The following FSCN1 variants were observed in gnomAD, a reference collection of about 807,000 sequenced individuals.
FSCN1 encodes the protein fascin actin-bundling protein 1.
Under a neutral mutation model 39.7 loss-of-function variants are expected in FSCN1, and 10 were observed. That is an observed-to-expected ratio of 0.25 (90% CI 0.16 to 0.43). FSCN1 has a LOEUF of 0.43. FSCN1 is among the 20% of genes least tolerant of loss of function. FSCN1 has a pLI of 1.00. For synonymous variants in FSCN1, 322 were observed against 320.0 expected, an observed-to-expected ratio of 1.01 and a Z score of -0.07; for missense variants, 525 against 723.8, an observed-to-expected ratio of 0.73 and a Z score of 3.15.
At chr7:5,604,179 AC>A in intron 4 of FSCN1, 149 bp downstream of exon 4, 1 of 699,334 alleles carries the variant, frequency 1.4e-6, no homozygotes, top group Non-Finnish European at 2.3e-6. Flanking sequence ...TCTGATGGCC[AC>A]CAGGGGCTCT....
At chr7:5,598,113 C>T (rs1785763890) in intron 1 of FSCN1, among the ~76,000 whole-genome samples, 1 of 152,148 alleles carries the variant, frequency 6.6e-6, no homozygotes, top group African/African-American at 2.4e-5. Flanking sequence ...GTCTACGTGG[C>T]ACCAGGCCCC....
rs1785932627 is a variant in FSCN1, at chr7:5,606,311, C to G, written c.*837C>G. 2.0e-5 allele frequency: 3 copies of G among 152,224 alleles called. No homozygotes were observed. In the South Asian group the frequency reaches 6.2e-4, roughly 32 times the overall value. The allele number at this position is 152,224 out of a possible 1,614,324, so 9.4% of individuals were successfully genotyped here. A position where few individuals can be genotyped will look rare whatever the true frequency, so the allele number is the denominator to read the frequency against. On this transcript the variant is annotated 3_prime_UTR_variant, in exon 5 of 5. Transcript: ENST00000382361. The surrounding 1 kb of genome is among the most constrained non-coding windows in gnomAD (Gnocchi z 5.1). ...TAGCGAGTGATCTGGCGGGGGGCGT[C>G]TCAGCACCCTCCCCAGGGGGTGCAT...
rs1430837379 is a variant in FSCN1, at chr7:5,605,744, G to A, written c.*270G>A. ...TGCCCCTGCCCTCTTGTCTGCCACG[G>A]GGCGAGTCTGGCACCTCTTTCTTCT... On this transcript the variant is annotated 3_prime_UTR_variant, in exon 5 of 5. Transcript: ENST00000382361. The surrounding 1 kb of genome is among the most constrained non-coding windows in gnomAD (Gnocchi z 6.9). The A allele has an allele frequency of 2.3e-6, 1 of 437,432 alleles. No homozygotes were observed. The highest frequency in any genetic ancestry group is 4.1e-6 in the Non-Finnish European group (1 of 243,666). The allele number at this position is 437,432 out of a possible 1,614,324, so 27.1% of individuals were successfully genotyped here. A position where few individuals can be genotyped will look rare whatever the true frequency, so the allele number is the denominator to read the frequency against.
chr7:5,598,893 C>G (rs1227632992), intron 1 of FSCN1, among the ~76,000 whole-genome samples: 2 of 152,240 alleles, frequency 1.3e-5, no homozygotes, highest in Admixed American at 6.5e-5. Flanking sequence ...AGGGTGCGGC[C>G]CCTGCCTGTA....
chr7:5,593,826 G>A (rs989255423), intron 1 of FSCN1, 58 bp downstream of exon 1: 1 of 1,181,850 alleles, frequency 8.5e-7, no homozygotes, highest in Non-Finnish European at 1.2e-6. Flanking sequence ...CACCCCACCC[G>A]CGCCCCTCCA....
intron 1 of FSCN1, among the ~76,000 whole-genome samples, chr7:5,598,995 G>A (rs1050053704): frequency 1.3e-5 from 2 of 152,204 alleles, no homozygotes; most frequent in Non-Finnish European, 2.9e-5. Context: ...GCAGCCCTGC[G>A]GCTTCTGTGC....
intron 1 of FSCN1, among the ~76,000 whole-genome samples, chr7:5,598,167 T>G (rs1303436772): frequency 6.6e-6 from 1 of 152,036 alleles, no homozygotes; most frequent in Non-Finnish European, 1.5e-5. Flanking sequence ...GCTGGGCCCT[T>G]TTGACAGGTG....
intron 1 of FSCN1, among the ~76,000 whole-genome samples, chr7:5,601,502 C>T (rs989928304): frequency 2.6e-5 from 4 of 152,034 alleles, no homozygotes; most frequent in African/African-American, 4.8e-5. Context: ...CGTGGCAACC[C>T]GCATGCTTCT....
At chr7:5,601,025 A>C (rs139729441) in intron 1 of FSCN1, among the ~76,000 whole-genome samples, 1 of 115,904 alleles carries the variant, frequency 8.6e-6, no homozygotes, top group Non-Finnish European at 1.8e-5. Flanking sequence ...TCCTGACCTC[A>C]TGATCCGCCC....
intron 1 of FSCN1, among the ~76,000 whole-genome samples, chr7:5,601,216 T>TG (rs1376857291): frequency 4.1e-5 from 6 of 147,578 alleles, no homozygotes; most frequent in African/African-American, 1.5e-4. Flanking sequence ...TTTTTTTTTT[T>TG]TTTTGAGATG....
At position 5,605,412 on chromosome 7, in the gene FSCN1, C is replaced by G. The variant is rs1340751793; in HGVS notation, c.1420C>G (p.His474Asp). ...GGGCGGGCGCTACCTGAAGGGCGAC[C>G]ACGCAGGCGTCCTGAAGGCCTCGGC... ...KVGGRYLKGD[H>D]AGVLKASAET... The change falls in exon 5 of 5, where the codon CAC (histidine) becomes GAC (aspartate). Residue 474 changes from histidine (H) to aspartate (D), a missense_variant. Around this residue, in one of 3 missense-constraint regions of FSCN1, gnomAD observed 275 missense variants for 351.9 expected, o/e 0.78. Transcript: ENST00000382361. The surrounding 1 kb of genome is among the most constrained non-coding windows in gnomAD (Gnocchi z 6.9). 6.2e-7 allele frequency: 1 copy of G among 1,612,500 alleles called. No individual in the cohort carries two copies. The highest frequency in any genetic ancestry group is 1.3e-5 in the African/African-American group (1 of 75,036).
intron 1 of FSCN1, among the ~76,000 whole-genome samples, chr7:5,602,333 C>T (rs963780748): frequency 1.3e-5 from 2 of 151,946 alleles, no homozygotes; most frequent in African/African-American, 2.4e-5. Flanking sequence ...AGCCACCGCA[C>T]CCGGCCCTTT....
At chr7:5,594,366 G>A (rs901631290) in intron 1 of FSCN1, among the ~76,000 whole-genome samples, 1 of 151,978 alleles carries the variant, frequency 6.6e-6, no homozygotes, top group Non-Finnish European at 1.5e-5. Flanking sequence ...GCTGGTGGGG[G>A]GGGGCGCGGG....
In FSCN1 at chr7:5,603,318, C is replaced by T. The variant is rs147410388; in HGVS notation, c.894C>T (p.Ile298=). 78 of 1,613,298 alleles carry T rather than the reference C, an allele frequency of 4.8e-5. No homozygotes were observed. The highest frequency in any genetic ancestry group is 5.9e-5 in the Non-Finnish European group (70 of 1,180,024). ...ACCAGGAGACCTTCCAGCTGGAGAT[C>T]GACCGCGACACCAAAAAGTGTGCCT... ...ETDQETFQLE[I]DRDTKKCAFR... Residue 298 remains isoleucine (I), a synonymous_variant, in exon 2 of 5, where the codon ATC becomes ATT. Transcript: ENST00000382361. The surrounding 1 kb of genome is among the most constrained non-coding windows in gnomAD (Gnocchi z 8.5).
rs746388244 is a variant in FSCN1 at position 5,605,496 on chromosome 7, C to T, written c.*22C>T. ...CTAGGGCCGGCCCGTCCTTCCCCGC[C>T]CCTGCCCACATGGCGGCTCCTGCCA... On this transcript the variant is annotated 3_prime_UTR_variant, in exon 5 of 5. Coordinates refer to ENST00000382361, the MANE Select transcript of FSCN1 (RefSeq NM_003088.4). The surrounding 1 kb of genome is among the most constrained non-coding windows in gnomAD (Gnocchi z 6.9). 18 of 1,510,792 alleles carry T rather than the reference C, an allele frequency of 1.2e-5. No individual in the cohort carries two copies. The African/African-American group carries it at 2.2e-4, about 19-fold the overall frequency. 93.6% of individuals were successfully genotyped at this position (1,510,792 alleles called of 1,614,324 possible). A position where few individuals can be genotyped will look rare whatever the true frequency, so the allele number is the denominator to read the frequency against.
rs1223354012 is a variant in FSCN1, at chr7:5,605,365, A to G, written c.1373A>G (p.Tyr458Cys). 3 of 1,613,728 alleles carry G rather than the reference A, an allele frequency of 1.9e-6. No homozygotes were observed. Among genetic ancestry groups the G allele is most frequent in the African/African-American group, 1.3e-5 (1 of 74,918 alleles). The change falls in exon 5 of 5, where the codon TAT becomes TGT. Residue 458 changes from tyrosine (Y) to cysteine (C), a missense_variant. Physicochemically the swap from Tyr to Cys is radical, Grantham distance 194 (BLOSUM62 -2). This residue lies in a region of FSCN1 where 275 missense variants were observed against 351.9 expected (regional missense o/e 0.78). Coordinates refer to ENST00000382361, the MANE Select transcript of FSCN1 (RefSeq NM_003088.4). This position sits in a 1 kb window ranked among gnomAD's most constrained non-coding sequence, Gnocchi z 6.9. ...PVDFFFEFCD[Y>C]NKVAIKVGGR... Reference sequence around the variant, plus strand: ...GACTTCTTCTTCGAGTTCTGCGACTATAACAAGGTGGCCATCAAGGTGGGC... The same window carrying G: ...GACTTCTTCTTCGAGTTCTGCGACTGTAACAAGGTGGCCATCAAGGTGGGC...
rs1237664394 is a variant in FSCN1 at position 5,605,416 on chromosome 7, C to T, written c.1424C>T (p.Ala475Val). The T allele has an allele frequency of 6.2e-7, 1 of 1,612,270 alleles. No individual in the cohort carries two copies. Among genetic ancestry groups the T allele is most frequent in the South Asian group, 1.1e-5 (1 of 90,890 alleles). The change falls in exon 5 of 5, where the codon GCA (alanine) becomes GTA (valine). Residue 475 changes from alanine to valine, a missense_variant. By Grantham distance (64) the Ala-to-Val change is moderately conservative. Coordinates refer to ENST00000382361, the MANE Select transcript of FSCN1 (RefSeq NM_003088.4). This position sits in a 1 kb window ranked among gnomAD's most constrained non-coding sequence, Gnocchi z 6.9. Reference protein sequence around the residue: ...VGGRYLKGDHAGVLKASAETV... With the variant: ...VGGRYLKGDHVGVLKASAETV... Reference sequence around the variant, plus strand: ...GGGCGCTACCTGAAGGGCGACCACGCAGGCGTCCTGAAGGCCTCGGCGGAA... The same window carrying T: ...GGGCGCTACCTGAAGGGCGACCACGTAGGCGTCCTGAAGGCCTCGGCGGAA...
At chr7:5,596,737 G>C (rs1345834983) in intron 1 of FSCN1, among the ~76,000 whole-genome samples, 4 of 152,228 alleles carry the variant, frequency 2.6e-5, no homozygotes, top group African/African-American at 9.6e-5. Context: ...CTGAGGAAGG[G>C]CTCGTCAAGC....
chr7:5,603,929 G>A lies in FSCN1; in HGVS notation c.1178G>A (p.Gly393Asp). 6.2e-7 allele frequency: 1 copy of A among 1,613,994 alleles called. No homozygotes were observed. Reference protein sequence around the residue: ...RPIIVFRGEHGFIGCRKVTGT... With the variant: ...RPIIVFRGEHDFIGCRKVTGT... The stretch of plus-strand genomic sequence containing the variant: ...ATCATCGTGTTCCGCGGGGAGCATG[G>A]CTTCATCGGCTGCCGCAAGGTCACG... Residue 393 changes from glycine to aspartate, a missense_variant, in exon 4 of 5, where the codon GGC becomes GAC. Physicochemically the swap from Gly to Asp is moderately conservative, Grantham distance 94. This residue lies in a region of FSCN1 where 275 missense variants were observed against 351.9 expected (regional missense o/e 0.78). Coordinates refer to ENST00000382361, the MANE Select transcript of FSCN1 (RefSeq NM_003088.4). The surrounding 1 kb of genome is among the most constrained non-coding windows in gnomAD (Gnocchi z 8.5).
Sources: gnomAD v4.1 joint callset for allele counts (sites outside exome capture counted in the v4.1 genomes callset) on GRCh38, gnomAD v4.1.1 for gene constraint, gnomAD v4.1.1 regional missense constraint, Gnocchi (gnomAD v3.1) non-coding constraint, MANE v1.5 for transcripts, NCBI Gene and HGNC (gene_info 2026-07-23, HGNC 2026-07-21) for gene names.